KIF16B: variants seen among roughly 807,000 people sequenced by gnomAD.
KIF16B encodes the protein kinesin-like protein KIF16B.
A neutral mutation model predicts 156.3 loss-of-function variants in KIF16B; 98 were observed. The observed-to-expected ratio is 0.63, with a 90% CI of 0.53 to 0.74. The LOEUF is 0.74. KIF16B is among the 30% of genes least tolerant of loss of function. The pLI is 0.00. For synonymous variants in KIF16B, 564 were observed against 583.7 expected (o/e 0.97, Z 0.49); for missense variants, 1,421 against 1,606.5 (o/e 0.88, Z 1.97).
chr20:16,429,766 T>C (rs1050185333), intron 13 of KIF16B, 97 bp downstream of exon 13: 16 of 1,001,516 alleles, frequency 1.6e-5, no homozygotes, highest in Admixed American at 5.6e-5. Context: ...TTTAATTTAG[T>C]TGTGTTCATG....
intron 20 of KIF16B, among the ~76,000 whole-genome samples, chr20:16,372,620 G>T (rs1487239235): frequency 1.3e-5 from 2 of 152,218 alleles, no homozygotes; most frequent in African/African-American, 4.8e-5. Context: ...GAAAATCTTT[G>T]TAATGGCAGA....
At chr20:16,455,515 T>C (rs2067189901) in intron 12 of KIF16B, among the ~76,000 whole-genome samples, 1 of 152,194 alleles carries the variant, frequency 6.6e-6, no homozygotes, top group African/African-American at 2.4e-5. Flanking sequence ...AGAATATCCT[T>C]ATCCTGCAAC....
chr20:16,464,529 A>C (rs1213948305), intron 12 of KIF16B, among the ~76,000 whole-genome samples: 2 of 152,216 alleles, frequency 1.3e-5, no homozygotes, highest in African/African-American at 4.8e-5. Context: ...CAATCCACCA[A>C]AAATTCCATC....
chr20:16,279,331 T>C (rs1450699115), intron 25 of KIF16B, among the ~76,000 whole-genome samples: 3 of 152,154 alleles, frequency 2.0e-5, no homozygotes, highest in Non-Finnish European at 4.4e-5. Context: ...TCTTCCAGAT[T>C]GTGTAGCTGC....
intron 23 of KIF16B, among the ~76,000 whole-genome samples, chr20:16,349,839 A>T (rs1172603025): frequency 2.0e-5 from 3 of 152,184 alleles, no homozygotes; most frequent in Non-Finnish European, 4.4e-5. Context: ...AGCAGATGAG[A>T]TCTCTTGGCC....
At chr20:16,478,877 T>A (rs1259477375) in intron 12 of KIF16B, among the ~76,000 whole-genome samples, 2 of 152,144 alleles carry the variant, frequency 1.3e-5, no homozygotes, top group East Asian at 3.9e-4. Flanking sequence ...TCACTAGGGG[T>A]CTTGAAATGT....
intron 17 of KIF16B, among the ~76,000 whole-genome samples, chr20:16,395,318 C>G (rs1361779568): frequency 1.9e-4 from 1 of 5,148 alleles, no homozygotes; most frequent in Non-Finnish European, 3.6e-4. Context: ...AGAGGGGAGG[C>G]CAAGGGAGGG....
At chr20:16,521,582 T>C (rs930809776) in intron 3 of KIF16B, among the ~76,000 whole-genome samples, 1 of 152,132 alleles carries the variant, frequency 6.6e-6, no homozygotes, top group African/African-American at 2.4e-5. Flanking sequence ...TGGAACCAAG[T>C]TGGAAAACAC....
chr20:16,560,938 T>G (rs2071035143), intron 1 of KIF16B, among the ~76,000 whole-genome samples: 1 of 152,166 alleles, frequency 6.6e-6, no homozygotes, highest in Non-Finnish European at 1.5e-5. Context: ...CAGTGTTTTT[T>G]TCAAACTATG....
In KIF16B at chr20:16,381,726, C is replaced by T. The variant is rs755450338; in HGVS notation, c.1806G>A (p.Gln602=). The T allele has an allele frequency of 1.2e-6, 2 of 1,611,886 alleles. No homozygotes were observed. The highest frequency in any genetic ancestry group is 1.7e-5 in the Admixed American group (1 of 59,904). Residue 602 remains glutamine, a synonymous_variant, in exon 18 of 26, where the codon CAG becomes CAA. Coordinates refer to ENST00000354981, the MANE Select transcript of KIF16B (RefSeq NM_024704.5). ...YNPGLEFERQ[Q]REELEKLESK... ...TTTCTAATTTTTCAAGTTCTTCACG[C>T]TGTTGCCTCTCAAATTCAAGTCTAA... is the stretch of plus-strand genomic sequence containing the variant.
intron 1 of KIF16B, among the ~76,000 whole-genome samples, chr20:16,541,087 G>A (rs2070178161): frequency 6.6e-6 from 1 of 152,132 alleles, no homozygotes; most frequent in African/African-American, 2.4e-5. Flanking sequence ...GACAAACTCA[G>A]GGAGGGCTAG....
chr20:16,281,850 T>C (rs75720489), intron 25 of KIF16B, among the ~76,000 whole-genome samples: 4,502 of 152,156 alleles, frequency 0.03, 71 homozygotes, highest in Middle Eastern at 0.044. Flanking sequence ...CTTGTTCCCA[T>C]GGGTGCTTTG....
intron 15 of KIF16B, among the ~76,000 whole-genome samples, chr20:16,410,114 CAT>C (rs775063194): frequency 2.1e-4 from 20 of 93,398 alleles, no homozygotes; most frequent in Non-Finnish European, 3.2e-4. Context: ...TATGTAGGTA[CAT>C]ATATATATGT....
chr20:16,277,864 C>T lies in KIF16B; in HGVS notation c.3796-4453G>A, dbSNP rs560649595. Among the ~76,000 whole-genome samples the T allele has an allele frequency of 4.6e-4, 70 of 152,244 alleles. 1 individual carries two copies. The highest frequency in any genetic ancestry group is 1.4e-3 in the African/African-American group (58 of 41,540). On this transcript the variant is annotated intron_variant, in intron 25 of 25. Coordinates refer to ENST00000354981, the MANE Select transcript of KIF16B (RefSeq NM_024704.5). ...CATTATAAAAAGAAATAAAAGCAGGCGTATTTAAATCTCTAGCACGTCAGG... is the reference window on the plus strand; with the variant it reads ...CATTATAAAAAGAAATAAAAGCAGGTGTATTTAAATCTCTAGCACGTCAGG...
chr20:16,369,102 T>A, intron 22 of KIF16B: 3 of 985,888 alleles, frequency 3.0e-6, no homozygotes, highest in Non-Finnish European at 3.6e-6. Flanking sequence ...TCTCTTGTGA[T>A]GCTGAGGAAG....
chr20:16,481,262 C>T (rs981742050), intron 12 of KIF16B, among the ~76,000 whole-genome samples: 1 of 152,186 alleles, frequency 6.6e-6, no homozygotes, highest in Non-Finnish European at 1.5e-5. Context: ...AGTGAGCAAT[C>T]ACAGCTCGCT....
intron 1 of KIF16B, among the ~76,000 whole-genome samples, chr20:16,533,667 A>T (rs1001674920): frequency 1.2e-4 from 18 of 152,244 alleles, no homozygotes; most frequent in Non-Finnish European, 2.2e-4. Flanking sequence ...AAGAGCAATA[A>T]CTGCTGACAT....
chr20:16,332,346 G>A (rs2063962479), intron 24 of KIF16B, among the ~76,000 whole-genome samples: 1 of 152,128 alleles, frequency 6.6e-6, no homozygotes, highest in South Asian at 2.1e-4. Context: ...CTGGCCCACG[G>A]TCAGCACCTT....
chr20:16,536,821 T>C (rs1461096599), intron 1 of KIF16B, among the ~76,000 whole-genome samples: 1 of 152,102 alleles, frequency 6.6e-6, no homozygotes, highest in African/African-American at 2.4e-5. Flanking sequence ...CTACTCAGCC[T>C]CCTTCATCCA....
Sources: allele counts gnomAD v4.1 joint callset (sites outside exome capture counted in the v4.1 genomes callset), GRCh38; gene constraint gnomAD v4.1.1; transcripts MANE v1.5; gene names NCBI Gene and HGNC (gene_info 2026-07-23, HGNC 2026-07-21).